ATM: variants seen among roughly 807,000 people sequenced by gnomAD.
ATM encodes the protein ATM serine/threonine kinase, also known as serine-protein kinase ATM.
In ATM, 308 loss-of-function variants were observed where a neutral mutation model predicts 387.0. The ratio of observed to expected loss-of-function variants is 0.80; its 90% CI spans 0.73 to 0.87. ATM has a LOEUF of 0.87. Among genes scored for constraint, ATM ranks in the 40% least tolerant of loss-of-function variants. ATM has a pLI of 0.00. For missense variants in ATM, 3,312 were observed against 3,560.9 expected (o/e 0.93, Z 1.78); for synonymous variants, 1,156 against 1,187.3 (o/e 0.97, Z 0.54).
At chr11:108,303,095 A>ATACT (rs1320973216) in intron 36 of ATM, 66 bp downstream of exon 36, 2 of 1,391,696 alleles carry the variant, frequency 1.4e-6, no homozygotes, top group Non-Finnish European at 2.0e-6. Context: ...GAGTGCTGTG[A>ATACT]TACTGCACAT....
rs1060504315 is a variant in ATM, at chr11:108,365,496, A to G, written c.9159A>G (p.Lys3053=). 1 of 1,614,182 alleles carries G rather than the reference A, an allele frequency of 6.2e-7. No individual in the cohort carries two copies. Among genetic ancestry groups the G allele is most frequent in the Admixed American group, 1.7e-5 (1 of 60,024 alleles). The change falls in exon 63 of 63, where the codon AAA becomes AAG. Residue 3053 remains lysine (K), a synonymous_variant. Coordinates refer to ENST00000675843, the MANE Select transcript of ATM (RefSeq NM_000051.4). ...KNLSRLFPGW[K]AWV Reference sequence around the variant, plus strand: ...TCAGCCGACTTTTCCCAGGATGGAAAGCTTGGGTGTGATCTTCAGTATATG... The same window carrying G: ...TCAGCCGACTTTTCCCAGGATGGAAGGCTTGGGTGTGATCTTCAGTATATG...
chr11:108,251,348 T>C (rs2080139164), intron 10 of ATM, among the ~76,000 whole-genome samples: 1 of 152,198 alleles, frequency 6.6e-6, no homozygotes, highest in Non-Finnish European at 1.5e-5. Flanking sequence ...ATTATCAAGG[T>C]ACATGTGATA....
At chr11:108,273,243 G>A (rs1454366285) in intron 22 of ATM, among the ~76,000 whole-genome samples, 1 of 150,842 alleles carries the variant, frequency 6.6e-6, no homozygotes, top group Non-Finnish European at 1.5e-5. Context: ...ATATTTACTT[G>A]AGTGAACATC....
chr11:108,276,264 C>G (rs574519321), intron 22 of ATM, among the ~76,000 whole-genome samples: 2 of 152,224 alleles, frequency 1.3e-5, no homozygotes, highest in East Asian at 3.9e-4. Flanking sequence ...TTCCTCTAAC[C>G]TTTTTTCAAG....
chr11:108,334,083 T>C (rs771626926), intron 54 of ATM, 115 bp downstream of exon 54: 35 of 793,364 alleles, frequency 4.4e-5, no homozygotes, highest in Non-Finnish European at 7.2e-5. Flanking sequence ...GCAAATTTCA[T>C]ATGTTTCAAC....
intron 61 of ATM, 123 bp downstream of exon 61, chr11:108,354,997 G>A: frequency 2.4e-6 from 2 of 838,624 alleles, no homozygotes; most frequent in South Asian, 1.4e-5. Context: ...TGGCTGGGCA[G>A]CAGAAAGGAG....
intron 45 of ATM, 71 bp downstream of exon 45, chr11:108,321,491 A>G: frequency 3.7e-6 from 6 of 1,607,568 alleles, no homozygotes; most frequent in Non-Finnish European, 5.1e-6. Flanking sequence ...TTTAAAAAAT[A>G]AAAACTATAG....
chr11:108,365,001 GTA>G (rs1007392308), intron 61 of ATM, 79 bp from the exon 62 acceptor site: 1 of 1,516,726 alleles, frequency 6.6e-7, no homozygotes, highest in Non-Finnish European at 9.0e-7. Context: ...TGGCTTATTT[GTA>G]TGATACTGGT....
chr11:108,312,461 G>A lies in ATM; in HGVS notation c.5969G>A (p.Ser1990Asn). ...GSQSTTISSL[S>N]EKSKEETGIS... ...CAGAGTACAACTATTTCTAGCTTGA[G>A]TGAAAAAAGTAAAGAAGAAACTGGA... The change falls in exon 40 of 63, where the codon AGT becomes AAT. Residue 1990 changes from serine (S) to asparagine (N), a missense_variant. This residue lies in a region of ATM where 1,405 missense variants were observed against 1,604.4 expected (regional missense o/e 0.88). Coordinates refer to ENST00000675843, the MANE Select transcript of ATM (RefSeq NM_000051.4). 1.3e-6 allele frequency: 2 copies of A among 1,594,780 alleles called. No individual in the cohort carries two copies. The highest frequency in any genetic ancestry group is 1.7e-6 in the Non-Finnish European group (2 of 1,162,880).
rs2082125198 is a variant in ATM at position 108,279,621 on chromosome 11, A to G, written c.3402+13A>G. 6.4e-7 allele frequency: 1 copy of G among 1,571,496 alleles called. No individual in the cohort carries two copies. Among genetic ancestry groups the G allele is most frequent in the Non-Finnish European group, 8.8e-7 (1 of 1,141,816 alleles). ...AATGAGAGAAATGGTAATTTTAAGT[A>G]ACATGTATTTGCTGTTATCATATGC... On this transcript the variant is annotated intron_variant, in intron 23 of 62. Transcript: ENST00000675843.
intron 40 of ATM, among the ~76,000 whole-genome samples, chr11:108,314,307 T>C (rs2084421502): frequency 6.6e-6 from 1 of 152,120 alleles, no homozygotes; most frequent in Admixed American, 6.5e-5. Context: ...GGTTTAGCCA[T>C]GTTGCCCAGG....
intron 57 of ATM, among the ~76,000 whole-genome samples, chr11:108,345,014 A>T (rs1427758394): frequency 6.6e-6 from 1 of 152,090 alleles, no homozygotes; most frequent in East Asian, 1.9e-4. Context: ...CTCCAAAAAA[A>T]AAAAATGTTG....
intron 5 of ATM, 118 bp from the exon 6 acceptor site, chr11:108,243,835 G>A: frequency 1.1e-6 from 1 of 915,524 alleles, no homozygotes. Flanking sequence ...AAATAAATTA[G>A]TGCAGTTTTA....
intron 11 of ATM, among the ~76,000 whole-genome samples, chr11:108,252,526 G>T (rs909755263): frequency 6.6e-6 from 1 of 152,074 alleles, no homozygotes; most frequent in African/African-American, 2.4e-5. Flanking sequence ...GCAGACCTCC[G>T]AATGGATCCA....
chr11:108,297,270 T>A lies in ATM; in HGVS notation c.4910-17T>A, dbSNP rs1238547320. ...CTTCATGCTAGTTTAAACTAATTTT[T>A]AAAAAATTATTTCTAGATAATCCGC... On this transcript the variant is annotated splice_polypyrimidine_tract_variant and intron_variant, in intron 32 of 62. Coordinates refer to ENST00000675843, the MANE Select transcript of ATM (RefSeq NM_000051.4). The A allele has an allele frequency of 1.2e-6, 2 of 1,607,358 alleles. No homozygotes were observed. The highest frequency in any genetic ancestry group is 2.2e-5 in the East Asian group (1 of 44,750).
rs368666328 is a variant in ATM at position 108,347,290 on chromosome 11, C to T, written c.8596C>T (p.Leu2866Phe). 5.6e-6 allele frequency: 9 copies of T among 1,609,096 alleles called. No individual in the cohort carries two copies. Among genetic ancestry groups the T allele is most frequent in the East Asian group, 2.2e-5 (1 of 44,746 alleles). Reference protein sequence around the residue: ...VATSSIVGYILGLGDRHVQNI... With the variant: ...VATSSIVGYIFGLGDRHVQNI... ...TCTTTTTTCTCCAGTTGGTTACATA[C>T]TTGGACTTGGTGATAGACATGTACA... Residue 2866 changes from leucine (L) to phenylalanine (F), a missense_variant, in exon 59 of 63, where the codon CTT (leucine) becomes TTT (phenylalanine). This residue lies in a region of ATM where 1,405 missense variants were observed against 1,604.4 expected (regional missense o/e 0.88). Transcript: ENST00000675843.
intron 39 of ATM, 108 bp downstream of exon 39, chr11:108,310,423 T>C: frequency 9.5e-7 from 1 of 1,054,220 alleles, no homozygotes; most frequent in Non-Finnish European, 1.3e-6. Context: ...TAAAAGATAT[T>C]TTAGATAGAA....
rs751665578 is a variant in ATM, at chr11:108,321,293, G to T, written c.6453-8G>T. ...ATTTTCAGAGTGTCTTTTCTTTTTT[G>T]CTACTAGAGTAAAAGAAGTGGAAGA... On this transcript the variant is annotated splice_polypyrimidine_tract_variant and splice_region_variant and intron_variant, in intron 44 of 62. Transcript: ENST00000675843. The T allele has an allele frequency of 6.2e-7, 1 of 1,612,316 alleles. No individual in the cohort carries two copies.
intron 9 of ATM, among the ~76,000 whole-genome samples, chr11:108,249,948 A>G (rs1170198457): frequency 6.6e-6 from 1 of 152,118 alleles, no homozygotes; most frequent in Non-Finnish European, 1.5e-5. Context: ...ATATACAGAG[A>G]TGAATAACAT....
Sources: gnomAD v4.1 joint callset for allele counts (sites outside exome capture counted in the v4.1 genomes callset) on GRCh38, gnomAD v4.1.1 for gene constraint, gnomAD v4.1.1 regional missense constraint, MANE v1.5 for transcripts, NCBI Gene and HGNC (gene_info 2026-07-23, HGNC 2026-07-21) for gene names.